PUDP: variants seen among roughly 807,000 people sequenced by gnomAD.
PUDP encodes pseudouridine 5'-phosphatase.
In PUDP, 8 loss-of-function variants were observed where a neutral mutation model predicts 9.4. The observed-to-expected ratio is 0.85, with a 90% confidence interval of 0.50 to 1.53. The LOEUF is 1.53. Ranked by LOEUF, PUDP falls within the 40% of genes most tolerant of loss-of-function variation. The pLI, the probability that PUDP is intolerant of heterozygous loss-of-function variation, is 0.00. For missense variants in PUDP, 188 were observed against 189.7 expected, an observed-to-expected ratio of 0.99 and a Z score of 0.05; for synonymous variants, 99 against 80.7, an observed-to-expected ratio of 1.23 and a Z score of -1.22.
intron 3 of PUDP, among the ~76,000 whole-genome samples, chrX:6,970,504 C>T: frequency 9.0e-6 from 1 of 111,112 alleles, no homozygotes; most frequent in Middle Eastern, 4.6e-3. Flanking sequence ...TAGGACCTGG[C>T]GGTACGCAGA....
chrX:6,883,443 A>C (rs1927376572), intron 3 of PUDP, among the ~76,000 whole-genome samples: 1 of 106,075 alleles, frequency 9.4e-6, no homozygotes, highest in East Asian at 3.1e-4. Flanking sequence ...AATCACTTGA[A>C]GCTGGGAGGC....
chrX:6,801,983 T>C (rs1925942153), intron 3 of PUDP, among the ~76,000 whole-genome samples: 1 of 111,877 alleles, frequency 8.9e-6, no homozygotes. Context: ...ACCAACGCAG[T>C]ATTTTTTTTC....
intron 3 of PUDP, among the ~76,000 whole-genome samples, chrX:6,838,107 G>A (rs2146716178): frequency 8.9e-6 from 1 of 112,253 alleles, no homozygotes; most frequent in East Asian, 2.8e-4. Flanking sequence ...GACATGACCT[G>A]TTCTGTCTGC....
intron 3 of PUDP, among the ~76,000 whole-genome samples, chrX:7,055,786 A>T (rs1454085703): frequency 1.0e-5 from 1 of 97,984 alleles, no homozygotes; most frequent in Non-Finnish European, 2.1e-5. Context: ...GCATCAAAAA[A>T]AGAAAGAAGA....
chrX:6,965,227 C>T (rs1330768590), intron 3 of PUDP, among the ~76,000 whole-genome samples: 3 of 111,525 alleles, frequency 2.7e-5, no homozygotes, highest in Non-Finnish European at 5.6e-5. Flanking sequence ...AGTAAGCAGC[C>T]GAAGGTCAGA....
chrX:7,025,034 T>C (rs1379805925), intron 1 of PUDP, among the ~76,000 whole-genome samples: 1 of 111,477 alleles, frequency 9.0e-6, no homozygotes, highest in African/African-American at 3.3e-5. Context: ...TCAGAGGTGA[T>C]GGAACTGAAC....
intron 1 of PUDP, among the ~76,000 whole-genome samples, chrX:7,037,470 A>G (rs919516927): frequency 8.0e-5 from 9 of 112,032 alleles, no homozygotes; most frequent in African/African-American, 2.3e-4. Context: ...GCATGGGATA[A>G]ACACATTTCC....
intron 1 of PUDP, among the ~76,000 whole-genome samples, chrX:6,980,666 T>TAA (rs1027974901): frequency 9.9e-6 from 1 of 100,513 alleles, no homozygotes; most frequent in Admixed American, 1.1e-4. Flanking sequence ...GGATGAAAAT[T>TAA]AAAAAAAAAA....
chrX:7,014,422 G>C, intron 1 of PUDP, among the ~76,000 whole-genome samples: 1 of 111,118 alleles, frequency 9.0e-6, no homozygotes, highest in East Asian at 2.8e-4. Flanking sequence ...AGGTTGGAAA[G>C]TAGGAGTGAA....
intron 3 of PUDP, among the ~76,000 whole-genome samples, chrX:6,884,139 C>A (rs901096646): frequency 6.2e-5 from 7 of 112,405 alleles, no homozygotes; most frequent in Non-Finnish European, 1.3e-4. Context: ...CGTGCCGGGC[C>A]TTAATGTTCA....
chrX:6,747,432 T>C (rs1925013544), intron 3 of PUDP, among the ~76,000 whole-genome samples: 1 of 112,504 alleles, frequency 8.9e-6, no homozygotes, highest in Non-Finnish European at 1.9e-5. Flanking sequence ...GACATTCCTC[T>C]GTTGCTGCCC....
At chrX:6,736,657 A>T (rs5989494) in intron 3 of PUDP, among the ~76,000 whole-genome samples, 1 of 111,916 alleles carries the variant, frequency 8.9e-6, no homozygotes, top group African/African-American at 3.3e-5. Context: ...TGCACCCTGG[A>T]ATACTATGCG....
At chrX:6,759,255 T>C (rs772959388) in intron 3 of PUDP, among the ~76,000 whole-genome samples, 22 of 112,441 alleles carry the variant, frequency 2.0e-4, no homozygotes, top group Non-Finnish European at 3.8e-4. Context: ...CTTTAGGAAC[T>C]GTAGTGGGAG....
chrX:6,765,307 C>A (rs1411058926), intron 3 of PUDP, among the ~76,000 whole-genome samples: 7 of 110,201 alleles, frequency 6.4e-5, no homozygotes, highest in Admixed American at 9.8e-5. Context: ...ACAAACAAAC[C>A]AACAACAACA....
At chrX:6,816,051 C>T (rs1926227101) in intron 3 of PUDP, among the ~76,000 whole-genome samples, 1 of 106,051 alleles carries the variant, frequency 9.4e-6, no homozygotes, top group South Asian at 4.0e-4. Flanking sequence ...TATATACATA[C>T]ATATATACTA....
intron 1 of PUDP, among the ~76,000 whole-genome samples, chrX:6,719,299 T>C (rs1924634817): frequency 9.0e-6 from 1 of 111,303 alleles, no homozygotes. Context: ...GACACCAGAT[T>C]GGATTAGGTC....
At chrX:7,114,400 C>T (rs1046811887) in intron 1 of PUDP, among the ~76,000 whole-genome samples, 2 of 111,409 alleles carry the variant, frequency 1.8e-5, no homozygotes, top group African/African-American at 3.3e-5. Context: ...TCTTACAAAG[C>T]CAGCAGTCCC....
intron 1 of PUDP, among the ~76,000 whole-genome samples, chrX:7,138,426 G>A (rs1453477906): frequency 9.2e-6 from 1 of 108,550 alleles, no homozygotes; most frequent in Non-Finnish European, 1.9e-5. Flanking sequence ...AGGCTGGAGT[G>A]CAGTGGCGTG....
At chrX:7,012,386 C>T (rs1273904602) in intron 1 of PUDP, among the ~76,000 whole-genome samples, 2 of 112,111 alleles carry the variant, frequency 1.8e-5, no homozygotes, top group East Asian at 5.6e-4. Context: ...TATCTTTAGC[C>T]CCTGGACACA....
Sources: allele counts gnomAD v4.1 joint callset (sites outside exome capture counted in the v4.1 genomes callset), GRCh38; gene constraint gnomAD v4.1.1; transcripts MANE v1.5; gene names NCBI Gene and HGNC (gene_info 2026-07-23, HGNC 2026-07-21).